Variants in NUCB2 observed in about 807,000 individuals in gnomAD.
The protein encoded by NUCB2 is nucleobindin-2.
NUCB2 carries 48 observed loss-of-function variants against 57.9 expected under a neutral mutation model. The ratio of observed to expected loss-of-function variants is 0.83; its 90% CI spans 0.66 to 1.05. The LOEUF (loss-of-function observed/expected upper bound fraction) is 1.05. Among genes scored for constraint, NUCB2 ranks in the 50% least tolerant of loss-of-function variants. NUCB2 has a pLI of 0.00. For missense variants in NUCB2, 442 were observed against 476.2 expected, an observed-to-expected ratio of 0.93 and a Z score of 0.67; for synonymous variants, 139 against 152.1, an observed-to-expected ratio of 0.91 and a Z score of 0.64.
chr11:17,307,345 C>T (rs1326888499), intron 5 of NUCB2, among the ~76,000 whole-genome samples: 8 of 151,062 alleles, frequency 5.3e-5, no homozygotes, highest in Non-Finnish European at 1.0e-4. Context: ...ATTGAGATGA[C>T]GTTTTGCTAT....
In NUCB2 at chr11:17,315,429, T is replaced by C; in HGVS notation, c.956T>C (p.Leu319Ser). The change falls in exon 11 of 14, where the codon TTG (leucine) becomes TCG (serine). Residue 319 changes from leucine to serine, a missense_variant. Transcript: ENST00000529010. ...KDRLVTLEEF[L>S]KATEKKEFLE... The stretch of plus-strand genomic sequence containing the variant: ...AGATTGGTGACTCTGGAGGAGTTTT[T>C]GAAAGCCACAGAAAAAAAAGAATTC... The C allele has an allele frequency of 6.2e-7, 1 of 1,612,264 alleles. No homozygotes were observed. The highest frequency in any genetic ancestry group is 8.5e-7 in the Non-Finnish European group (1 of 1,178,792).
At chr11:17,318,614 A>G (rs747777438) in intron 11 of NUCB2, among the ~76,000 whole-genome samples, 8 of 152,148 alleles carry the variant, frequency 5.3e-5, no homozygotes, top group Non-Finnish European at 1.0e-4. Flanking sequence ...ATCCTGATAT[A>G]CTGAAAGTAA....
intron 2 of NUCB2, among the ~76,000 whole-genome samples, chr11:17,294,875 C>A (rs1945557025): frequency 6.6e-6 from 1 of 151,956 alleles, no homozygotes; most frequent in African/African-American, 2.4e-5. Flanking sequence ...GAGAGAAACC[C>A]CCGTCTCTAC....
chr11:17,314,341 G>A (rs532600068), intron 10 of NUCB2, among the ~76,000 whole-genome samples: 8 of 152,240 alleles, frequency 5.3e-5, no homozygotes, highest in South Asian at 2.1e-4. Flanking sequence ...ATCAGGTCAT[G>A]TGCTCTCTTG....
chr11:17,285,014 AATACATACATAC>A (rs10566571), intron 2 of NUCB2, among the ~76,000 whole-genome samples: 3 of 151,272 alleles, frequency 2.0e-5, no homozygotes, highest in South Asian at 2.1e-4. Flanking sequence ...ACAAAGTCTC[AATACATACATAC>A]ATACATACAT....
intron 11 of NUCB2, among the ~76,000 whole-genome samples, chr11:17,322,801 C>G (rs1169917307): frequency 6.6e-6 from 1 of 151,904 alleles, no homozygotes; most frequent in Non-Finnish European, 1.5e-5. Flanking sequence ...ATCTTAACTT[C>G]TTTGGTTAAT....
chr11:17,295,568 A>G (rs1945703805), intron 3 of NUCB2, 101 bp downstream of exon 3: 1 of 873,670 alleles, frequency 1.1e-6, no homozygotes, highest in Non-Finnish European at 1.8e-6. Flanking sequence ...AACTAAATGA[A>G]ATGAGAGGAA....
chr11:17,340,441 T>C (rs1384980046), intron 2 of NUCB2, among the ~76,000 whole-genome samples: 2 of 152,234 alleles, frequency 1.3e-5, no homozygotes, highest in African/African-American at 4.8e-5. Flanking sequence ...ATGTCCTGAA[T>C]GGTATTGCCT....
At chr11:17,332,771 G>A (rs1283823071), downstream of NUCB2, 1 of 152,110 alleles carries the variant, frequency 6.6e-6, no homozygotes, top group Non-Finnish European at 1.5e-5. Context: ...AGAGTACAGT[G>A]GTGTGATCAT....
intron 4 of NUCB2, among the ~76,000 whole-genome samples, chr11:17,299,794 C>T (rs1386136754): frequency 6.6e-6 from 1 of 151,930 alleles, no homozygotes; most frequent in African/African-American, 2.4e-5. Flanking sequence ...GTCCTAGCTA[C>T]TCGGGAGGTT....
intron 11 of NUCB2, among the ~76,000 whole-genome samples, chr11:17,326,311 GTTTTTTTTT>G (rs60955119): frequency 1.4e-5 from 1 of 71,274 alleles, no homozygotes; most frequent in Non-Finnish European, 2.7e-5. Context: ...CATTGTTACC[GTTTTTTTTT>G]TTTTTTTTTT....
intron 2 of NUCB2, among the ~76,000 whole-genome samples, chr11:17,340,641 A>T (rs1453173841): frequency 1.3e-5 from 2 of 152,156 alleles, no homozygotes; most frequent in Non-Finnish European, 2.9e-5. Context: ...GTCAGGTTTG[A>T]CAAAGATCAG....
chr11:17,296,076 G>A (rs771537431), intron 3 of NUCB2, 28 bp from the exon 4 acceptor site: 17 of 1,354,500 alleles, frequency 1.3e-5, no homozygotes, highest in Admixed American at 2.0e-5. Flanking sequence ...ACCTGCAGAA[G>A]CATTACTGTT....
rs143289596 is a variant in NUCB2 at position 17,313,146 on chromosome 11, T to C, written c.912+1026T>C. Among the ~76,000 whole-genome samples the C allele has an allele frequency of 9.2e-5, 14 of 152,176 alleles. No homozygotes were observed. In the East Asian group the frequency reaches 2.3e-3, roughly 25 times the overall value. ...TTTGCATTTTTGATCCAGATTATTA[T>C]ACTAGATGCCTTTAGTATGAATAAA... On this transcript the variant is annotated intron_variant, in intron 10 of 13. Transcript: ENST00000529010.
In NUCB2 at chr11:17,303,650, C is replaced by T. The variant is rs562935507; in HGVS notation, c.379+1780C>T. Among the ~76,000 whole-genome samples the T allele has an allele frequency of 2.6e-5, 4 of 152,128 alleles. No individual in the cohort carries two copies. In the South Asian group the frequency reaches 6.2e-4, roughly 24 times the overall value. On this transcript the variant is annotated intron_variant, in intron 5 of 13. Coordinates refer to ENST00000529010, the MANE Select transcript of NUCB2 (RefSeq NM_005013.4). ...CTGTAATCCCAGCACTTTGGGAGGCCGAGGCGAGTGGGTCACCTGAGGTCA... is the reference window on the plus strand; with the variant it reads ...CTGTAATCCCAGCACTTTGGGAGGCTGAGGCGAGTGGGTCACCTGAGGTCA...
At chr11:17,344,267 A>G (rs1419287130) in intron 2 of NUCB2, among the ~76,000 whole-genome samples, 1 of 152,240 alleles carries the variant, frequency 6.6e-6, no homozygotes, top group Non-Finnish European at 1.5e-5. Context: ...AGTACTTTAT[A>G]GATCTCAGCA....
chr11:17,292,592 C>T (rs1028435239), intron 2 of NUCB2, among the ~76,000 whole-genome samples: 2 of 152,174 alleles, frequency 1.3e-5, no homozygotes, highest in African/African-American at 2.4e-5. Flanking sequence ...GCCAGTGCTG[C>T]TGGCCCAGGG....
chr11:17,286,148 C>T (rs1943717032), intron 2 of NUCB2, among the ~76,000 whole-genome samples: 1 of 152,134 alleles, frequency 6.6e-6, no homozygotes, highest in South Asian at 2.1e-4. Context: ...ATCTTCCCAC[C>T]TCATCCCCCA....
At chr11:17,308,002 A>C (rs1297577817) in intron 5 of NUCB2, among the ~76,000 whole-genome samples, 3 of 152,130 alleles carry the variant, frequency 2.0e-5, no homozygotes, top group African/African-American at 7.2e-5. Flanking sequence ...GAGTGAGGTT[A>C]AGGGTCTTTT....
Sources: allele counts gnomAD v4.1 joint callset (sites outside exome capture counted in the v4.1 genomes callset), GRCh38; gene constraint gnomAD v4.1.1; transcripts MANE v1.5; gene names NCBI Gene and HGNC (gene_info 2026-07-23, HGNC 2026-07-21).